The following VAV2 variants were observed in gnomAD, a reference collection of about 807,000 sequenced individuals.
VAV2 encodes guanine nucleotide exchange factor VAV2.
In VAV2, 67 loss-of-function variants were observed where a neutral mutation model predicts 132.5. The ratio of observed to expected loss-of-function variants is 0.51; its 90% CI spans 0.42 to 0.62. The LOEUF is 0.62. VAV2 is among the 20% of genes least tolerant of loss of function. VAV2 has a pLI of 0.00. For missense variants in VAV2, 938 were observed against 1,153.6 expected, an observed-to-expected ratio of 0.81 and a Z score of 2.71; for synonymous variants, 492 against 443.5, an observed-to-expected ratio of 1.11 and a Z score of -1.37.
intron 4 of VAV2, among the ~76,000 whole-genome samples, chr9:133,818,200 T>TA (rs1175589914): frequency 2.7e-5 from 4 of 150,706 alleles, no homozygotes; most frequent in Admixed American, 1.3e-4. Context: ...CCGTCTCTAC[T>TA]AAAAAAATAC....
At chr9:133,989,618 G>A (rs1194164120) in intron 1 of VAV2, among the ~76,000 whole-genome samples, 4 of 152,032 alleles carry the variant, frequency 2.6e-5, no homozygotes, top group Non-Finnish European at 4.4e-5. Flanking sequence ...CCAGGAGGTG[G>A]AGGTTGCAGT....
At chr9:133,827,260 A>ATGCGG (rs1836040792) in intron 4 of VAV2, among the ~76,000 whole-genome samples, 1 of 19,608 alleles carries the variant, frequency 5.1e-5, no homozygotes, top group Non-Finnish European at 7.9e-5. Flanking sequence ...CGGGGGCATC[A>ATGCGG]CCACCTACCG....
In VAV2 at chr9:133,918,471, G is replaced by T. The variant is rs1215814720; in HGVS notation, c.321+20632C>A. On this transcript the variant is annotated intron_variant, in intron 2 of 29. Coordinates refer to ENST00000371850, the MANE Select transcript of VAV2 (RefSeq NM_001134398.2). This position sits in a 1 kb window ranked among gnomAD's most constrained non-coding sequence, Gnocchi z 4.7. ...AAAGGCGGCAGACTCCTTCTCGGTG[G>T]CACCCATTGTAAGAGTCAGCCTGGA... 1.4e-5 allele frequency among the ~76,000 whole-genome samples: 2 copies of T among 146,188 alleles called. No homozygotes were observed. Among genetic ancestry groups the T allele is most frequent in the African/African-American group, 5.4e-5 (2 of 37,194 alleles).
intron 1 of VAV2, among the ~76,000 whole-genome samples, chr9:133,973,292 C>T (rs1200014890): frequency 1.3e-5 from 2 of 152,208 alleles, no homozygotes; most frequent in Non-Finnish European, 1.5e-5. Context: ...CCACTCTGCA[C>T]AGGAAAAACT....
At chr9:133,958,325 C>G (rs920838598) in intron 1 of VAV2, among the ~76,000 whole-genome samples, 1 of 145,682 alleles carries the variant, frequency 6.9e-6, no homozygotes, top group Admixed American at 7.0e-5. Flanking sequence ...TTGTACGTTC[C>G]ATCTACTGAG....
At position 133,804,270 on chromosome 9, in the gene VAV2, C is replaced by T. The variant is rs1434296963; in HGVS notation, c.836+1811G>A. ...GATTTGGTGATGAGCTCTGATGAAA[C>T]GCTGACAGCCCCTTCCCCAAACAGA... On this transcript the variant is annotated intron_variant, in intron 9 of 29. Transcript: ENST00000371850. This position sits in a 1 kb window ranked among gnomAD's most constrained non-coding sequence, Gnocchi z 4.5. Among the ~76,000 whole-genome samples the T allele has an allele frequency of 5.3e-5, 8 of 152,208 alleles. No individual in the cohort carries two copies. The highest frequency in any genetic ancestry group is 2.4e-5 in the African/African-American group (1 of 41,446).
In VAV2 at chr9:133,917,913, TCC is replaced by T. The variant is rs1180345343; in HGVS notation, c.321+21188_321+21189del. Among the ~76,000 whole-genome samples, 672 of 124,166 alleles carry T rather than the reference TCC, an allele frequency of 5.4e-3. 4 individuals carry two copies. Among genetic ancestry groups the T allele is most frequent in the Non-Finnish European group, 7.7e-3 (454 of 59,098 alleles). The allele number at this position is 124,166 out of a possible 152,430, so 81.5% of individuals were successfully genotyped here. On this transcript the variant is annotated intron_variant, in intron 2 of 29. Coordinates refer to ENST00000371850, the MANE Select transcript of VAV2 (RefSeq NM_001134398.2). ...TGGAGACCCTGGTCCCCCGCCCTGGTCCCCCCACCCTCCCGGCTGAATCCCCA... is the reference window on the plus strand; with the variant it reads ...TGGAGACCCTGGTCCCCCGCCCTGGTCCCCACCCTCCCGGCTGAATCCCCA...
At chr9:133,780,561 C>T in intron 20 of VAV2, 133 bp downstream of exon 20, 1 of 1,140,526 alleles carries the variant, frequency 8.8e-7, no homozygotes. Context: ...CATCTTGTGA[C>T]CAAAAGTGGC....
rs1448841092 is a variant in VAV2, at chr9:133,912,080, C to T, written c.321+27023G>A. ...TCCATTAGCTATCTTTCCTGATCTC[C>T]TCCCTGCCCTCCAAAGATGGCTGAT... On this transcript the variant is annotated intron_variant, in intron 2 of 29. Coordinates refer to ENST00000371850, the MANE Select transcript of VAV2 (RefSeq NM_001134398.2). The surrounding 1 kb of genome is among the most constrained non-coding windows in gnomAD (Gnocchi z 4.3). Among the ~76,000 whole-genome samples, 1 of 152,174 alleles carries T rather than the reference C, an allele frequency of 6.6e-6. No homozygotes were observed. Among genetic ancestry groups the T allele is most frequent in the Non-Finnish European group, 1.5e-5 (1 of 68,036 alleles).
chr9:133,801,345 C>T (rs1475648966), intron 9 of VAV2, among the ~76,000 whole-genome samples: 1 of 152,222 alleles, frequency 6.6e-6, no homozygotes, highest in East Asian at 1.9e-4. Context: ...ACCACAGGGG[C>T]CCTGAGGCTC....
intron 2 of VAV2, among the ~76,000 whole-genome samples, chr9:133,880,715 A>G (rs12001190): frequency 0.048 from 7,363 of 152,318 alleles, 283 homozygotes; most frequent in African/African-American, 0.11. Flanking sequence ...CCAAAGCACC[A>G]ACTACTGTGA....
chr9:133,797,625 A>C, intron 10 of VAV2, 85 bp downstream of exon 10: 4 of 1,203,494 alleles, frequency 3.3e-6, no homozygotes, highest in Non-Finnish European at 4.6e-6. Flanking sequence ...CAAATGGGCA[A>C]GAGAGAGGCT....
intron 2 of VAV2, among the ~76,000 whole-genome samples, chr9:133,900,882 T>C (rs923549848): frequency 1.8e-4 from 27 of 151,884 alleles, no homozygotes; most frequent in African/African-American, 6.5e-4. Context: ...CACTGCAACC[T>C]CCGCCTCCCG....
chr9:133,843,174 G>A (rs1021469947), intron 3 of VAV2, among the ~76,000 whole-genome samples: 1 of 152,160 alleles, frequency 6.6e-6, no homozygotes, highest in African/African-American at 2.4e-5. Flanking sequence ...GGATGGCAGT[G>A]TCGGAGATGA....
intron 4 of VAV2, among the ~76,000 whole-genome samples, chr9:133,821,915 C>A (rs892022783): frequency 6.6e-6 from 1 of 152,230 alleles, no homozygotes; most frequent in African/African-American, 2.4e-5. Context: ...TTCACTCCTG[C>A]TGTTTTCTGG....
Position 133,788,417 on chromosome 9 carries a change from C to T in VAV2, c.1344G>A (p.Glu448=). The T allele has an allele frequency of 6.2e-7, 1 of 1,612,204 alleles. No individual in the cohort carries two copies. The highest frequency in any genetic ancestry group is 8.5e-7 in the Non-Finnish European group (1 of 1,178,434). Reference sequence around the variant, plus strand: ...TCTTGTGGAACAGCAGCTCGATGATCTCCTTGAGCTCGTAGCTGTAGCCCT... The same window carrying T: ...TCTTGTGGAACAGCAGCTCGATGATTTCCTTGAGCTCGTAGCTGTAGCCCT... ...KRKGYSYELK[E]IIELLFHKMT... Residue 448 remains glutamate (E), a synonymous_variant, in exon 15 of 30, where the codon GAG becomes GAA. Coordinates refer to ENST00000371850, the MANE Select transcript of VAV2 (RefSeq NM_001134398.2). The surrounding 1 kb of genome is among the most constrained non-coding windows in gnomAD (Gnocchi z 5.3).
At chr9:133,955,972 C>T (rs1026151234) in intron 1 of VAV2, among the ~76,000 whole-genome samples, 1 of 151,030 alleles carries the variant, frequency 6.6e-6, no homozygotes, top group Non-Finnish European at 1.5e-5. Flanking sequence ...AGCTCTCAGA[C>T]GGGCAGCCAG....
intron 3 of VAV2, among the ~76,000 whole-genome samples, chr9:133,856,524 C>G (rs556298450): frequency 1.3e-5 from 2 of 151,856 alleles, no homozygotes; most frequent in Non-Finnish European, 2.9e-5. Flanking sequence ...TGCCCAGACA[C>G]GCCACATAGC....
chr9:133,972,896 C>T (rs1466393063), intron 1 of VAV2, among the ~76,000 whole-genome samples: 2 of 152,200 alleles, frequency 1.3e-5, no homozygotes, highest in Non-Finnish European at 2.9e-5. Context: ...CTGAGTTAGG[C>T]ACTGGCTACT....
Sources: gnomAD v4.1 joint callset for allele counts (sites outside exome capture counted in the v4.1 genomes callset) on GRCh38, gnomAD v4.1.1 for gene constraint, Gnocchi (gnomAD v3.1) non-coding constraint, MANE v1.5 for transcripts, NCBI Gene and HGNC (gene_info 2026-07-23, HGNC 2026-07-21) for gene names.